Variants in GABRG3 observed in about 807,000 individuals in gnomAD.
The protein encoded by GABRG3 is gamma-aminobutyric acid receptor subunit gamma-3.
Under a neutral mutation model 48.8 loss-of-function variants are expected in GABRG3, and 25 were observed. That is an observed-to-expected ratio of 0.51 (90% CI 0.37 to 0.72). The LOEUF (loss-of-function observed/expected upper bound fraction) is 0.72, where lower values mean the gene tolerates loss of function less well. GABRG3 is among the 30% of genes least tolerant of loss of function. The probability of loss-of-function intolerance (pLI) is 0.00; values close to 1 mark genes in which losing one functional copy is unlikely to be tolerated. For synonymous variants in GABRG3, 227 were observed against 217.6 expected (o/e 1.04, Z -0.38); for missense variants, 394 against 577.9 (o/e 0.68, Z 3.26).
At position 27,159,226 on chromosome 15, in the gene GABRG3, A is replaced by G. The variant is rs568825368; in HGVS notation, c.270+132405A>G. Reference sequence around the variant, plus strand: ...GCCGGGCATGGTGGTTCACGCCTATAATCCCAGCACTTTGGAAGTACGAGG... The same window carrying G: ...GCCGGGCATGGTGGTTCACGCCTATGATCCCAGCACTTTGGAAGTACGAGG... On this transcript the variant is annotated intron_variant, in intron 3 of 9. Coordinates refer to ENST00000615808, the MANE Select transcript of GABRG3 (RefSeq NM_033223.5). 1.7e-4 allele frequency among the ~76,000 whole-genome samples: 26 copies of G among 152,318 alleles called. No homozygotes were observed. The South Asian group carries it at 5.2e-3, about 30-fold the overall frequency.
chr15:27,349,018 A>C (rs897310464), intron 5 of GABRG3, among the ~76,000 whole-genome samples: 1 of 152,182 alleles, frequency 6.6e-6, no homozygotes, highest in South Asian at 2.1e-4. Flanking sequence ...AGTTGGTGTC[A>C]GATGGTTGTT....
intron 5 of GABRG3, among the ~76,000 whole-genome samples, chr15:27,431,415 G>GT (rs903151715): frequency 6.6e-6 from 1 of 151,772 alleles, no homozygotes; most frequent in Admixed American, 6.6e-5. Flanking sequence ...TATTCTAATC[G>GT]TTTTTTTGTG....
At chr15:26,996,441 G>C (rs59449661) in intron 2 of GABRG3, among the ~76,000 whole-genome samples, 9,761 of 151,908 alleles carry the variant, frequency 0.064, 355 homozygotes, top group East Asian at 0.18. Context: ...TAATAAGTCA[G>C]TTGAGCCTCT....
chr15:27,022,841 G>A (rs754936748), intron 2 of GABRG3, among the ~76,000 whole-genome samples: 5 of 152,094 alleles, frequency 3.3e-5, no homozygotes, highest in Admixed American at 6.6e-5. Flanking sequence ...GGATGAAGAC[G>A]GCCATGGAGA....
At chr15:27,379,644 T>C (rs1271718297) in intron 5 of GABRG3, among the ~76,000 whole-genome samples, 2 of 152,188 alleles carry the variant, frequency 1.3e-5, no homozygotes, top group East Asian at 3.9e-4. Flanking sequence ...TTTATCGAAG[T>C]CTTTATTTCT....
In GABRG3 at chr15:27,140,882, A is replaced by T. The variant is rs976963249; in HGVS notation, c.270+114061A>T. Among the ~76,000 whole-genome samples, 25 of 152,096 alleles carry T rather than the reference A, an allele frequency of 1.6e-4. 1 individual carries two copies. The highest frequency in any genetic ancestry group is 1.2e-3 in the Admixed American group (19 of 15,270). On this transcript the variant is annotated intron_variant, in intron 3 of 9. Coordinates refer to ENST00000615808, the MANE Select transcript of GABRG3 (RefSeq NM_033223.5). ...CTCTGATTTTTGACATCTCATTTAT[A>T]TTTAAGAGTGAGGGACTGAAAACGG...
chr15:27,095,741 G>A (rs1030375106), intron 3 of GABRG3, among the ~76,000 whole-genome samples: 1 of 152,068 alleles, frequency 6.6e-6, no homozygotes, highest in African/African-American at 2.4e-5. Flanking sequence ...TGGGACTTTA[G>A]TGTCCTCCCA....
chr15:27,092,851 C>A (rs573802852), intron 3 of GABRG3, among the ~76,000 whole-genome samples: 1 of 152,062 alleles, frequency 6.6e-6, no homozygotes, highest in African/African-American at 2.4e-5. Context: ...AAGAGTGTCC[C>A]CCCTGCAGCC....
At chr15:27,348,804 G>A (rs1894462239) in intron 5 of GABRG3, among the ~76,000 whole-genome samples, 1 of 152,208 alleles carries the variant, frequency 6.6e-6, no homozygotes, top group Non-Finnish European at 1.5e-5. Context: ...AATAGTGGCA[G>A]GGGTTTTTGG....
chr15:26,971,507 G>T lies in GABRG3; in HGVS notation c.-29G>T. ...GGAAGCCGCGCCCGGCCGAGGCCCC[G>T]GACCCTGCGCCCCGAGCTCCACGGC... On this transcript the variant is annotated 5_prime_UTR_variant, in exon 1 of 10. Transcript: ENST00000615808. The T allele has an allele frequency of 2.7e-6, 4 of 1,500,686 alleles. No homozygotes were observed. The highest frequency in any genetic ancestry group is 1.8e-6 in the Non-Finnish European group (2 of 1,124,016). 93.0% of individuals were successfully genotyped at this position (1,500,686 alleles called of 1,614,324 possible).
intron 5 of GABRG3, among the ~76,000 whole-genome samples, chr15:27,407,944 C>A (rs1238678828): frequency 1.3e-5 from 2 of 152,110 alleles, no homozygotes; most frequent in African/African-American, 4.8e-5. Flanking sequence ...GAAGAGTGAA[C>A]CCTATTGTGA....
intron 3 of GABRG3, among the ~76,000 whole-genome samples, chr15:27,244,175 G>C (rs1318566613): frequency 6.6e-6 from 1 of 152,128 alleles, no homozygotes; most frequent in Non-Finnish European, 1.5e-5. Flanking sequence ...TGTGTACCAG[G>C]GCTTGGAAAA....
chr15:27,373,127 G>A (rs1895469472), intron 5 of GABRG3, among the ~76,000 whole-genome samples: 1 of 152,204 alleles, frequency 6.6e-6, no homozygotes, highest in African/African-American at 2.4e-5. Flanking sequence ...GATTTAGGAT[G>A]CTTGGGCTCC....
At chr15:27,066,321 T>C (rs1431929773) in intron 3 of GABRG3, among the ~76,000 whole-genome samples, 3 of 152,208 alleles carry the variant, frequency 2.0e-5, no homozygotes, top group Non-Finnish European at 4.4e-5. Context: ...TTCTTGAAGT[T>C]GTGTGGCCAT....
intron 2 of GABRG3, among the ~76,000 whole-genome samples, chr15:27,011,657 C>G (rs1299537799): frequency 2.0e-5 from 3 of 151,934 alleles, no homozygotes; most frequent in Non-Finnish European, 2.9e-5. Flanking sequence ...ACCATCCTGG[C>G]TAACACGGTG....
intron 3 of GABRG3, among the ~76,000 whole-genome samples, chr15:27,159,769 T>C (rs2140402872): frequency 6.6e-6 from 1 of 152,262 alleles, no homozygotes; most frequent in East Asian, 1.9e-4. Flanking sequence ...AGTCATGTAA[T>C]TACTGAACTT....
At chr15:27,071,538 G>C (rs8041947) in intron 3 of GABRG3, among the ~76,000 whole-genome samples, 31,448 of 152,184 alleles carry the variant, frequency 0.21, 3,418 homozygotes, top group Middle Eastern at 0.27. Flanking sequence ...CTGCCTTTCA[G>C]TACCGTGTCC....
chr15:27,221,123 G>C (rs919370044), intron 3 of GABRG3, among the ~76,000 whole-genome samples: 6 of 152,022 alleles, frequency 3.9e-5, no homozygotes, highest in Non-Finnish European at 7.4e-5. Flanking sequence ...AACTAGATGG[G>C]GCATTTTACA....
intron 5 of GABRG3, among the ~76,000 whole-genome samples, chr15:27,438,502 C>T (rs1365782766): frequency 6.6e-6 from 1 of 152,204 alleles, no homozygotes; most frequent in African/African-American, 2.4e-5. Flanking sequence ...CGAAATGCTT[C>T]CAGCTCTGGA....
Sources: allele counts gnomAD v4.1 joint callset (sites outside exome capture counted in the v4.1 genomes callset), GRCh38; gene constraint gnomAD v4.1.1; transcripts MANE v1.5; gene names NCBI Gene and HGNC (gene_info 2026-07-23, HGNC 2026-07-21).